The following FBXO10 variants were observed in gnomAD, a reference collection of about 807,000 sequenced individuals.
FBXO10 encodes F-box only protein 10.
A neutral mutation model predicts 80.7 loss-of-function variants in FBXO10; 39 were observed. The ratio of observed to expected loss-of-function variants is 0.48; its 90% CI spans 0.37 to 0.63. The LOEUF is 0.63. Ranked by LOEUF, FBXO10 falls within the 30% of genes least tolerant of loss-of-function variation. The pLI, the probability that FBXO10 is intolerant of heterozygous loss-of-function variation, is 0.00. For synonymous variants in FBXO10, 449 were observed against 489.6 expected, an observed-to-expected ratio of 0.92 and a Z score of 1.09; for missense variants, 1,025 against 1,269.0, an observed-to-expected ratio of 0.81 and a Z score of 2.92.
At chr9:37,546,366 G>A (rs1822056002) in intron 1 of FBXO10, among the ~76,000 whole-genome samples, 1 of 151,950 alleles carries the variant, frequency 6.6e-6, no homozygotes, top group Non-Finnish European at 1.5e-5. Context: ...CACAGAGGGG[G>A]TGGGGAGGAG....
chr9:37,537,839 G>A lies in FBXO10; in HGVS notation c.690C>T (p.Asn230=). 1.2e-6 allele frequency: 2 copies of A among 1,613,974 alleles called. No homozygotes were observed. Among genetic ancestry groups the A allele is most frequent in the Non-Finnish European group, 1.7e-6 (2 of 1,179,880 alleles). ...GCACGTTGTGCAGGAAGATATGGGT[G>A]TTTTTGAAGGTACAGAACTTCACTT... ...TCQVKFCTFK[N]THIFLHNVPL... Residue 230 remains asparagine (N), a synonymous_variant, in exon 3 of 11, where the codon AAC becomes AAT. Transcript: ENST00000432825.
intron 7 of FBXO10, 120 bp downstream of exon 7, chr9:37,522,705 G>A (rs1821373182): frequency 4.0e-6 from 5 of 1,244,648 alleles, no homozygotes; most frequent in Non-Finnish European, 5.5e-6. Flanking sequence ...GCCTGAGAGT[G>A]CCTGTTCAGA....
At chr9:37,546,390 G>A (rs1324540384) in intron 1 of FBXO10, among the ~76,000 whole-genome samples, 1 of 152,090 alleles carries the variant, frequency 6.6e-6, no homozygotes, top group Admixed American at 6.6e-5. Flanking sequence ...CAGTTCCTAG[G>A]CTGAAGGCTG....
At chr9:37,559,926 T>C (rs773333892) in intron 1 of FBXO10, among the ~76,000 whole-genome samples, 7 of 152,356 alleles carry the variant, frequency 4.6e-5, no homozygotes, top group South Asian at 2.1e-4. Context: ...TTTGTTACCA[T>C]AGCAGAGGCT....
chr9:37,545,430 GCCTCCCAAAGT>G (rs1822033759), intron 1 of FBXO10, among the ~76,000 whole-genome samples: 1 of 152,030 alleles, frequency 6.6e-6, no homozygotes, highest in Non-Finnish European at 1.5e-5. Context: ...GCCCATCTTG[GCCTCCCAAAGT>G]CCTGGGATTA....
At chr9:37,564,527 G>A (rs1822558602) in intron 1 of FBXO10, among the ~76,000 whole-genome samples, 1 of 152,148 alleles carries the variant, frequency 6.6e-6, no homozygotes, top group Non-Finnish European at 1.5e-5. Context: ...GAGGTGGGTT[G>A]TATCCTGCAA....
intron 1 of FBXO10, among the ~76,000 whole-genome samples, chr9:37,542,136 C>T (rs1029937900): frequency 1.3e-4 from 20 of 151,988 alleles, no homozygotes; most frequent in Non-Finnish European, 2.8e-4. Context: ...GCCTCCAGTC[C>T]CTTTCTTAAA....
intron 1 of FBXO10, among the ~76,000 whole-genome samples, chr9:37,552,641 G>A (rs62534417): frequency 0.064 from 9,458 of 147,374 alleles, 334 homozygotes; most frequent in African/African-American, 0.09. Context: ...GCAGTGAGCC[G>A]AGATTGCGCC....
chr9:37,563,264 T>C (rs1031900074), intron 1 of FBXO10, among the ~76,000 whole-genome samples: 15 of 152,214 alleles, frequency 9.9e-5, no homozygotes, highest in African/African-American at 3.4e-4. Context: ...CTCTTTTGTT[T>C]ATAAATTACC....
intron 1 of FBXO10, among the ~76,000 whole-genome samples, chr9:37,553,916 C>CAAAAAAA (rs71494669): frequency 2.8e-4 from 18 of 64,298 alleles, no homozygotes; most frequent in African/African-American, 8.5e-4. Context: ...AAGTCTGCCT[C>CAAAAAAA]AAAAAAAAAA....
In FBXO10 at chr9:37,533,351, G is replaced by A. The variant is rs553023142; in HGVS notation, c.1420-1293C>T. On this transcript the variant is annotated intron_variant, in intron 3 of 10. Coordinates refer to ENST00000432825, the MANE Select transcript of FBXO10 (RefSeq NM_012166.3). ...ACTTGAGGTCAGGAGTTTGAGACCA[G>A]CCTGGCCAACACGGTGAAGCCTCGT... 8.2e-4 allele frequency among the ~76,000 whole-genome samples: 124 copies of A among 152,116 alleles called. 2 individuals are homozygous for A. The highest frequency in any genetic ancestry group is 1.2e-3 in the Non-Finnish European group (81 of 67,974).
At chr9:37,559,580 A>G (rs745584735) in intron 1 of FBXO10, among the ~76,000 whole-genome samples, 2 of 152,234 alleles carry the variant, frequency 1.3e-5, no homozygotes, top group Non-Finnish European at 1.5e-5. Context: ...AACTGCTTCC[A>G]GTTTTCTTTC....
intron 1 of FBXO10, among the ~76,000 whole-genome samples, chr9:37,556,982 T>A (rs1333085503): frequency 6.6e-6 from 1 of 152,228 alleles, no homozygotes; most frequent in East Asian, 1.9e-4. Context: ...GGTACTTTTC[T>A]CTCTGAAGAC....
chr9:37,547,124 C>T (rs1229384268), intron 1 of FBXO10, among the ~76,000 whole-genome samples: 3 of 152,314 alleles, frequency 2.0e-5, no homozygotes, highest in Admixed American at 2.0e-4. Context: ...AGAATGTTTA[C>T]AGCAGCTGTA....
intron 4 of FBXO10, among the ~76,000 whole-genome samples, chr9:37,529,866 G>A (rs1201732103): frequency 6.6e-6 from 1 of 151,040 alleles, no homozygotes; most frequent in Non-Finnish European, 1.5e-5. Flanking sequence ...TAGAGACAGG[G>A]TTTTGCTTCA....
chr9:37,545,609 C>T (rs1338677495), intron 1 of FBXO10, among the ~76,000 whole-genome samples: 1 of 152,232 alleles, frequency 6.6e-6, no homozygotes, highest in Non-Finnish European at 1.5e-5. Flanking sequence ...TGTCTAGCCC[C>T]AATCATCTTT....
rs550282739 is a variant in FBXO10, at chr9:37,537,476, C to T, written c.1053G>A (p.Pro351=). The change falls in exon 3 of 11, where the codon CCG becomes CCA. Residue 351 remains proline (P), a synonymous_variant. Coordinates refer to ENST00000432825, the MANE Select transcript of FBXO10 (RefSeq NM_012166.3). ...GACTCAGGCCTCCATCGCTGCTGTCCGGGGTCTGGGCCACCCTTTCACCAT... is the reference window on the plus strand; with the variant it reads ...GACTCAGGCCTCCATCGCTGCTGTCTGGGGTCTGGGCCACCCTTTCACCAT... ...GSDGERVAQT[P]DSSDGGLSPS... The T allele has an allele frequency of 2.1e-5, 34 of 1,608,094 alleles. No homozygotes were observed. Among genetic ancestry groups the T allele is most frequent in the African/African-American group, 6.7e-5 (5 of 74,940 alleles).
chr9:37,541,416 A>C lies in FBXO10; in HGVS notation c.353T>G (p.Phe118Cys). 6.2e-7 allele frequency: 1 copy of C among 1,613,984 alleles called. No homozygotes were observed. The highest frequency in any genetic ancestry group is 8.5e-7 in the Non-Finnish European group (1 of 1,179,862). Residue 118 changes from phenylalanine (F) to cysteine (C), a missense_variant, in exon 2 of 11, where the codon TTT (phenylalanine) becomes TGT (cysteine). Around this residue, in one of 3 missense-constraint regions of FBXO10, gnomAD observed 450 missense variants for 499.4 expected, o/e 0.90. Coordinates refer to ENST00000432825, the MANE Select transcript of FBXO10 (RefSeq NM_012166.3). ...RTLSVGPGRE[F>C]DSLGSALAMA... Reference sequence around the variant, plus strand: ...GGCCAAGGCACTGCCCAGGCTGTCAAACTCACGGCCTGGCCCAACACTCAG... The same window carrying C: ...GGCCAAGGCACTGCCCAGGCTGTCACACTCACGGCCTGGCCCAACACTCAG...
intron 8 of FBXO10, among the ~76,000 whole-genome samples, chr9:37,519,185 AG>A (rs901724667): frequency 9.2e-5 from 14 of 152,142 alleles, no homozygotes; most frequent in African/African-American, 3.4e-4. Context: ...CTGGGATTAC[AG>A]GCGTGAGCCA....
Sources: allele counts gnomAD v4.1 joint callset (sites outside exome capture counted in the v4.1 genomes callset), GRCh38; gene constraint gnomAD v4.1.1; regional missense constraint gnomAD v4.1.1; transcripts MANE v1.5; gene names NCBI Gene and HGNC (gene_info 2026-07-23, HGNC 2026-07-21).